PRKAA1: variants seen among roughly 807,000 people sequenced by gnomAD.
PRKAA1 encodes the protein 5'-AMP-activated protein kinase catalytic subunit alpha-1.
Under a neutral mutation model 56.9 loss-of-function variants are expected in PRKAA1, and 23 were observed. The observed-to-expected ratio is 0.40, with a 90% CI of 0.29 to 0.57. The LOEUF is 0.57. Ranked by LOEUF, PRKAA1 falls within the 20% of genes least tolerant of loss-of-function variation. The pLI, the probability that PRKAA1 is intolerant of heterozygous loss-of-function variation, is 0.39. For synonymous variants in PRKAA1, 226 were observed against 227.0 expected, an observed-to-expected ratio of 1.00 and a Z score of 0.04; for missense variants, 413 against 679.7, an observed-to-expected ratio of 0.61 and a Z score of 4.36.
intron 1 of PRKAA1, 74 bp downstream of exon 1, chr5:40,797,989 G>C (rs1454767124): frequency 6.4e-7 from 1 of 1,572,990 alleles, no homozygotes; most frequent in African/African-American, 1.4e-5. Context: ...GGCGGGGGAG[G>C]ATGAAGAGGT....
In PRKAA1 at chr5:40,762,145, G is replaced by C. The variant is rs568817943; in HGVS notation, c.*633C>G. ...AAATTAGCCGGGTGTGGTGGCACAC[G>C]CCTGTAGTTCCAGCTACTCAGGAAG... is the stretch of plus-strand genomic sequence containing the variant. On this transcript the variant is annotated 3_prime_UTR_variant, in exon 9 of 9. Transcript: ENST00000397128. 6.6e-6 allele frequency: 1 copy of C among 152,546 alleles called. No individual in the cohort carries two copies. The highest frequency in any genetic ancestry group is 2.4e-5 in the African/African-American group (1 of 41,440). 9.4% of individuals were successfully genotyped at this position (152,546 alleles called of 1,614,324 possible).
chr5:40,786,728 G>T (rs1033952675), intron 1 of PRKAA1, among the ~76,000 whole-genome samples: 44 of 140,172 alleles, frequency 3.1e-4, no homozygotes, highest in African/African-American at 1.1e-3. Flanking sequence ...AGCACTTGAG[G>T]TTAGGAGTTC....
chr5:40,779,865 G>A (rs1744189447), intron 1 of PRKAA1, among the ~76,000 whole-genome samples: 1 of 151,962 alleles, frequency 6.6e-6, no homozygotes, highest in African/African-American at 2.4e-5. Context: ...GTCACATTGT[G>A]ATAATGCACT....
At chr5:40,784,603 CTTTT>C (rs956289663) in intron 1 of PRKAA1, among the ~76,000 whole-genome samples, 2 of 152,112 alleles carry the variant, frequency 1.3e-5, no homozygotes, top group African/African-American at 2.4e-5. Flanking sequence ...AACAAGGGCT[CTTTT>C]TTTAACAAAA....
chr5:40,782,675 G>C (rs1231507105), intron 1 of PRKAA1, among the ~76,000 whole-genome samples: 1 of 151,900 alleles, frequency 6.6e-6, no homozygotes, highest in Non-Finnish European at 1.5e-5. Flanking sequence ...GAAAACAGTA[G>C]GTAGTAGCAA....
At chr5:40,771,464 T>C (rs1043817002) in intron 4 of PRKAA1, among the ~76,000 whole-genome samples, 1 of 152,238 alleles carries the variant, frequency 6.6e-6, no homozygotes, top group Non-Finnish European at 1.5e-5. Context: ...ATCACGTCGC[T>C]GCCCTCCAGC....
chr5:40,764,370 T>C, intron 8 of PRKAA1, 144 bp downstream of exon 8: 1 of 734,082 alleles, frequency 1.4e-6, no homozygotes, highest in Non-Finnish European at 2.1e-6. Context: ...AATGTTAATA[T>C]TGCAAAGGCA....
chr5:40,778,651 ACT>A (rs752044537), intron 1 of PRKAA1, among the ~76,000 whole-genome samples: 1 of 150,840 alleles, frequency 6.6e-6, no homozygotes, highest in Non-Finnish European at 1.5e-5. Flanking sequence ...ATCCCAAAAG[ACT>A]CTCTCATGTC....
chr5:40,793,282 C>T (rs993874166), intron 1 of PRKAA1, among the ~76,000 whole-genome samples: 3 of 151,930 alleles, frequency 2.0e-5, no homozygotes, highest in Admixed American at 6.6e-5. Flanking sequence ...AACCTAACAT[C>T]TTGATAACTA....
In PRKAA1 at chr5:40,759,446, T is replaced by C. The variant is rs2111957879; in HGVS notation, c.*3332A>G. Reference sequence around the variant, plus strand: ...CTAAATCAAGGAAGCTGAAATTATATACTTAAATATACTCTGGTCAAAATA... The same window carrying C: ...CTAAATCAAGGAAGCTGAAATTATACACTTAAATATACTCTGGTCAAAATA... On this transcript the variant is annotated 3_prime_UTR_variant, in exon 9 of 9. Coordinates refer to ENST00000397128, the MANE Select transcript of PRKAA1 (RefSeq NM_006251.6). 6.6e-6 allele frequency: 1 copy of C among 152,404 alleles called. No individual in the cohort carries two copies. Among genetic ancestry groups the C allele is most frequent in the Non-Finnish European group, 1.5e-5 (1 of 68,016 alleles). The allele number at this position is 152,404 out of a possible 1,614,324, so 9.4% of individuals were successfully genotyped here. A position where few individuals can be genotyped will look rare whatever the true frequency, so the allele number is the denominator to read the frequency against.
At chr5:40,792,643 C>T (rs923361917) in intron 1 of PRKAA1, among the ~76,000 whole-genome samples, 1 of 152,180 alleles carries the variant, frequency 6.6e-6, no homozygotes, top group Non-Finnish European at 1.5e-5. Context: ...AAGATTCATT[C>T]ACACTGATAT....
At chr5:40,770,343 G>A (rs1312308481) in intron 4 of PRKAA1, among the ~76,000 whole-genome samples, 2 of 152,100 alleles carry the variant, frequency 1.3e-5, no homozygotes, top group Non-Finnish European at 2.9e-5. Flanking sequence ...GCCCACATCT[G>A]TGGTCCCAGC....
intron 1 of PRKAA1, among the ~76,000 whole-genome samples, chr5:40,794,299 C>T (rs987235646): frequency 5.3e-5 from 8 of 152,116 alleles, no homozygotes; most frequent in Admixed American, 6.6e-5. Flanking sequence ...CTTTTGAGAA[C>T]TGTCTATTCA....
At chr5:40,793,871 C>T (rs1317177700) in intron 1 of PRKAA1, among the ~76,000 whole-genome samples, 7 of 152,180 alleles carry the variant, frequency 4.6e-5, no homozygotes, top group African/African-American at 1.4e-4. Context: ...GAGGCCGAGG[C>T]GGGTGGGATC....
rs1333113528 is a variant in PRKAA1 at position 40,798,142 on chromosome 5, C to T, written c.48G>A (p.Gln16=). ...CGATCTTCACCCGCCCGTCGTGTTT[C>T]TGCTTCTCGGCTGTCGCCATCTTTC... The part of the protein sequence containing the change: ...SWRKMATAEK[Q]KHDGRVKIGH... Residue 16 remains glutamine, a synonymous_variant, in exon 1 of 9, where the codon CAG becomes CAA. Coordinates refer to ENST00000397128, the MANE Select transcript of PRKAA1 (RefSeq NM_006251.6). The T allele has an allele frequency of 1.9e-6, 3 of 1,600,464 alleles. No individual in the cohort carries two copies. The highest frequency in any genetic ancestry group is 2.2e-5 in the South Asian group (2 of 90,766).
intron 1 of PRKAA1, among the ~76,000 whole-genome samples, chr5:40,785,822 GCACACACA>G (rs147705979): frequency 5.4e-5 from 5 of 93,144 alleles, no homozygotes; most frequent in African/African-American, 2.0e-4. Context: ...GAAGAGGAGA[GCACACACA>G]CACACACACA....
At chr5:40,767,407 T>TTC in intron 6 of PRKAA1, 59 bp downstream of exon 6, 1 of 1,438,202 alleles carries the variant, frequency 7.0e-7, no homozygotes, top group Non-Finnish European at 9.5e-7. Context: ...TTTTTTTTTT[T>TTC]CACATAACTT....
At chr5:40,774,444 A>G (rs1421120146) in intron 3 of PRKAA1, among the ~76,000 whole-genome samples, 1 of 152,154 alleles carries the variant, frequency 6.6e-6, no homozygotes, top group African/African-American at 2.4e-5. Flanking sequence ...TTCAACTGGT[A>G]AAACTGAAGA....
At chr5:40,782,153 G>A (rs1744290878) in intron 1 of PRKAA1, among the ~76,000 whole-genome samples, 1 of 152,080 alleles carries the variant, frequency 6.6e-6, no homozygotes, top group Non-Finnish European at 1.5e-5. Context: ...AGAATACTAA[G>A]ACAGAATCCA....
Sources: allele counts gnomAD v4.1 joint callset (sites outside exome capture counted in the v4.1 genomes callset), GRCh38; gene constraint gnomAD v4.1.1; transcripts MANE v1.5; gene names NCBI Gene and HGNC (gene_info 2026-07-23, HGNC 2026-07-21).